Variants in FANCC observed in about 807,000 individuals in gnomAD.
FANCC encodes the protein FA complementation group C.
In FANCC, 55 loss-of-function variants were observed where a neutral mutation model predicts 71.3. The observed-to-expected ratio is 0.77, with a 90% CI of 0.62 to 0.97. FANCC has a LOEUF of 0.97. Ranked by LOEUF, FANCC falls within the 50% of genes least tolerant of loss-of-function variation. The pLI is 0.00. For synonymous variants in FANCC, 275 were observed against 244.9 expected (o/e 1.12, Z -1.15); for missense variants, 678 against 670.9 (o/e 1.01, Z -0.12).
rs4647369 is a variant in FANCC, at chr9:95,305,899, T to C, written c.-79+11627A>G. 6.6e-4 allele frequency among the ~76,000 whole-genome samples: 101 copies of C among 152,352 alleles called. 2 individuals are homozygous for C. In the South Asian group the frequency reaches 0.02, roughly 30 times the overall value. ...TCAAAGGCATTTCCTAGAGTGTTTATGTTATGAAAACTGGGTCTGGAATGT... is the reference window on the plus strand; with the variant it reads ...TCAAAGGCATTTCCTAGAGTGTTTACGTTATGAAAACTGGGTCTGGAATGT... On this transcript the variant is annotated intron_variant, in intron 1 of 14. Coordinates refer to ENST00000289081, the MANE Select transcript of FANCC (RefSeq NM_000136.3).
chr9:95,291,761 A>G (rs1248172144), intron 1 of FANCC, among the ~76,000 whole-genome samples: 4 of 151,754 alleles, frequency 2.6e-5, no homozygotes, highest in Non-Finnish European at 4.4e-5. Context: ...CACCCTGGCC[A>G]ACATGGCGAA....
At chr9:95,215,380 G>GAGGGAGAT (rs1341269863) in intron 4 of FANCC, among the ~76,000 whole-genome samples, 2 of 152,146 alleles carry the variant, frequency 1.3e-5, no homozygotes, top group Admixed American at 6.5e-5. Flanking sequence ...GAGATGGAGA[G>GAGGGAGAT]AGGGAGATAG....
At chr9:95,220,877 T>TAATC (rs1829212105) in intron 4 of FANCC, among the ~76,000 whole-genome samples, 1 of 151,610 alleles carries the variant, frequency 6.6e-6, no homozygotes, top group South Asian at 2.1e-4. Flanking sequence ...TAAAAAATAA[T>TAATC]AATAAATAAA....
Position 95,107,759 on chromosome 9 carries a change from C to T in FANCC, c.1330-490G>A, listed in dbSNP as rs140731646. 5.3e-5 allele frequency among the ~76,000 whole-genome samples: 8 copies of T among 152,236 alleles called. No individual in the cohort carries two copies. In the East Asian group the frequency reaches 5.8e-4, roughly 11 times the overall value. On this transcript the variant is annotated intron_variant, in intron 13 of 14. Transcript: ENST00000289081. ...GGGGGAACACACACACATGCACGCA[C>T]GTGTACACAAGCACGGTCATACACA...
chr9:95,266,381 C>T (rs149271007), intron 1 of FANCC, among the ~76,000 whole-genome samples: 4 of 152,266 alleles, frequency 2.6e-5, no homozygotes, highest in East Asian at 3.9e-4. Context: ...GGCTTGGTAC[C>T]GACAGGCAGG....
Position 95,293,804 on chromosome 9 carries a change from G to C in FANCC, c.-79+23722C>G, listed in dbSNP as rs560599211. 1.9e-6 allele frequency: 3 copies of C among 1,613,802 alleles called. No individual in the cohort carries two copies. The South Asian group carries it at 3.3e-5, about 18-fold the overall frequency. On this transcript the variant is annotated intron_variant, in intron 1 of 14. Coordinates refer to ENST00000289081, the MANE Select transcript of FANCC (RefSeq NM_000136.3). ...TGGACACCTGTTTCCAGTCGGGTGG[G>C]GTCTCCTGAGAAACTCAAACCAGTG...
intron 4 of FANCC, among the ~76,000 whole-genome samples, chr9:95,209,975 C>T (rs1044199771): frequency 6.6e-6 from 1 of 152,096 alleles, no homozygotes; most frequent in Admixed American, 6.6e-5. Context: ...CTGTTTGTAA[C>T]AGCAAAACCT....
At chr9:95,239,999 G>A (rs1428063756) in intron 4 of FANCC, among the ~76,000 whole-genome samples, 2 of 152,218 alleles carry the variant, frequency 1.3e-5, no homozygotes, top group Non-Finnish European at 2.9e-5. Context: ...ATGCGCTGCT[G>A]GTGAGGGCAG....
At chr9:95,110,991 A>C (rs1362003021) in intron 13 of FANCC, 1 of 1,423,340 alleles carries the variant, frequency 7.0e-7, no homozygotes, top group Non-Finnish European at 9.2e-7. Context: ...AAATAAAGCC[A>C]GTAATGTGAG....
intron 1 of FANCC, chr9:95,317,262 C>T (rs540892246): frequency 6.6e-6 from 1 of 152,368 alleles, no homozygotes; most frequent in Admixed American, 6.6e-5. Context: ...CCCGCCCCCG[C>T]TTTCCCCGCC....
At chr9:95,140,847 G>C (rs1296950868) in intron 7 of FANCC, among the ~76,000 whole-genome samples, 1 of 152,124 alleles carries the variant, frequency 6.6e-6, no homozygotes. Context: ...TCATCTGCAT[G>C]TACAGAGCAG....
intron 8 of FANCC, among the ~76,000 whole-genome samples, chr9:95,133,147 G>C (rs1293608770): frequency 1.3e-5 from 2 of 152,228 alleles, no homozygotes. Flanking sequence ...TAGGAAGCAG[G>C]CTCTTCAGGT....
At chr9:95,161,955 C>T (rs1830775530) in intron 6 of FANCC, among the ~76,000 whole-genome samples, 1 of 152,012 alleles carries the variant, frequency 6.6e-6, no homozygotes, top group East Asian at 1.9e-4. Flanking sequence ...GATTCTCCTG[C>T]CTCAGCCTCC....
chr9:95,174,836 G>A (rs569862083), intron 4 of FANCC, among the ~76,000 whole-genome samples: 3 of 152,062 alleles, frequency 2.0e-5, no homozygotes, highest in African/African-American at 7.2e-5. Context: ...CCATAGACCC[G>A]GGACGACAAG....
chr9:95,110,375 T>C (rs2071820326), intron 13 of FANCC: 10 of 1,022,760 alleles, frequency 9.8e-6, no homozygotes, highest in Non-Finnish European at 1.2e-5. Context: ...TTAAAAACCA[T>C]ATGTGCCCCG....
intron 8 of FANCC, among the ~76,000 whole-genome samples, chr9:95,127,662 G>A (rs537869597): frequency 4.4e-4 from 67 of 152,332 alleles, no homozygotes; most frequent in African/African-American, 1.3e-3. Flanking sequence ...ATTCAAGTCA[G>A]AGTGCATTTG....
chr9:95,261,716 A>G (rs1272902946), intron 1 of FANCC, among the ~76,000 whole-genome samples: 1 of 152,222 alleles, frequency 6.6e-6, no homozygotes, highest in African/African-American at 2.4e-5. Flanking sequence ...CCAGGAGAAA[A>G]TAAAGAAATT....
intron 1 of FANCC, among the ~76,000 whole-genome samples, chr9:95,266,454 T>C (rs1832390538): frequency 6.6e-6 from 1 of 152,208 alleles, no homozygotes; most frequent in Admixed American, 6.5e-5. Context: ...ATCACTTTCC[T>C]CTTCAGAACC....
intron 6 of FANCC, among the ~76,000 whole-genome samples, chr9:95,162,466 T>C (rs1355960159): frequency 1.3e-5 from 2 of 152,364 alleles, no homozygotes; most frequent in East Asian, 1.9e-4. Context: ...TTTGGAAATA[T>C]ACACAAATAT....
Sources: allele counts gnomAD v4.1 joint callset (sites outside exome capture counted in the v4.1 genomes callset), GRCh38; gene constraint gnomAD v4.1.1; transcripts MANE v1.5; gene names NCBI Gene and HGNC (gene_info 2026-07-23, HGNC 2026-07-21).